RALYL: variants seen among roughly 807,000 people sequenced by gnomAD.
The protein encoded by RALYL is RNA-binding Raly-like protein.
A neutral mutation model predicts 35.1 loss-of-function variants in RALYL; 29 were observed. The observed-to-expected ratio is 0.83, with a 90% CI of 0.61 to 1.13. The LOEUF (loss-of-function observed/expected upper bound fraction) is 1.13, where lower values mean the gene tolerates loss of function less well. Ranked by LOEUF, RALYL falls within the 50% of genes most tolerant of loss-of-function variation. The pLI is 0.00. For synonymous variants in RALYL, 120 were observed against 127.6 expected (o/e 0.94, Z 0.40); for missense variants, 359 against 360.4 (o/e 1.00, Z 0.03).
chr8:84,669,998 C>A (rs542470772), intron 2 of RALYL, among the ~76,000 whole-genome samples: 1 of 152,206 alleles, frequency 6.6e-6, no homozygotes, highest in Non-Finnish European at 1.5e-5. Flanking sequence ...CTCAAAACAC[C>A]CCCAAGGGGA....
Position 84,428,106 on chromosome 8 carries a change from TCA to T in RALYL, c.-23-101157_-23-101156del, listed in dbSNP as rs869249552. ...CTCTCTCTCTCTCTCTCTCTCTCTCTCACACACACACACACACACACACACAC... is the reference window on the plus strand; with the variant it reads ...CTCTCTCTCTCTCTCTCTCTCTCTCTCACACACACACACACACACACACAC... On this transcript the variant is annotated intron_variant, in intron 1 of 8. Coordinates refer to ENST00000521268, the MANE Select transcript of RALYL (RefSeq NM_173848.7). Among the ~76,000 whole-genome samples the T allele has an allele frequency of 9.0e-3, 1,144 of 127,258 alleles. 3 individuals are homozygous for T. The highest frequency in any genetic ancestry group is 0.02 in the South Asian group (72 of 3,628). 83.5% of individuals were successfully genotyped at this position (127,258 alleles called of 152,430 possible). A position where few individuals can be genotyped will look rare whatever the true frequency, so the allele number is the denominator to read the frequency against.
intron 1 of RALYL, among the ~76,000 whole-genome samples, chr8:84,389,361 T>G (rs1222638043): frequency 2.0e-5 from 3 of 152,070 alleles, no homozygotes; most frequent in Non-Finnish European, 4.4e-5. Flanking sequence ...TTAAAGTAGT[T>G]TTTTCCAATT....
intron 1 of RALYL, among the ~76,000 whole-genome samples, chr8:84,521,974 A>G (rs187648771): frequency 1.9e-3 from 290 of 152,268 alleles, no homozygotes; most frequent in African/African-American, 6.6e-3. Context: ...ACAAAAATTA[A>G]TGCATTCCCA....
chr8:84,707,211 GCTTGATTGCCTTTTGATGCCAGTT>G (rs1407826419), intron 2 of RALYL, among the ~76,000 whole-genome samples: 1 of 152,132 alleles, frequency 6.6e-6, no homozygotes, highest in Non-Finnish European at 1.5e-5. Flanking sequence ...GATTCTGCAA[GCTTGATTGCCTTTTGATGCCAGTT>G]CTTTCTTGTG....
intron 8 of RALYL, among the ~76,000 whole-genome samples, chr8:84,918,601 TGA>T (rs1164685825): frequency 3.9e-5 from 6 of 152,112 alleles, no homozygotes; most frequent in Non-Finnish European, 7.4e-5. Context: ...GCTCCATAAG[TGA>T]CTATGTTTCT....
chr8:84,797,532 A>G (rs1038714784), intron 3 of RALYL, among the ~76,000 whole-genome samples: 1 of 152,168 alleles, frequency 6.6e-6, no homozygotes, highest in African/African-American at 2.4e-5. Context: ...GTGGGGACAG[A>G]TAGGAATCAG....
intron 1 of RALYL, among the ~76,000 whole-genome samples, chr8:84,193,811 A>G (rs1814555515): frequency 6.6e-6 from 1 of 152,194 alleles, no homozygotes; most frequent in African/African-American, 2.4e-5. Flanking sequence ...TTAAGGAAAC[A>G]GTTGAGGATT....
At chr8:84,711,040 C>T (rs117219808) in intron 2 of RALYL, among the ~76,000 whole-genome samples, 154 of 152,122 alleles carry the variant, frequency 1.0e-3, no homozygotes, top group Non-Finnish European at 2.0e-3. Context: ...ACTAAGGGGA[C>T]ATTTGATCAG....
At chr8:84,243,580 T>G (rs973213705) in intron 1 of RALYL, among the ~76,000 whole-genome samples, 1 of 149,884 alleles carries the variant, frequency 6.7e-6, no homozygotes, top group Non-Finnish European at 1.5e-5. Context: ...CTGGGAGGTA[T>G]GCATCTCTCT....
chr8:84,632,767 C>T (rs1044272338), intron 2 of RALYL, among the ~76,000 whole-genome samples: 4 of 151,826 alleles, frequency 2.6e-5, no homozygotes, highest in African/African-American at 9.7e-5. Flanking sequence ...TATCTCCAAA[C>T]AACATTATTT....
chr8:84,907,499 A>G (rs1846733272), intron 8 of RALYL, among the ~76,000 whole-genome samples: 1 of 152,144 alleles, frequency 6.6e-6, no homozygotes, highest in East Asian at 1.9e-4. Context: ...AACTTCGAGG[A>G]GTAGCTATTT....
intron 2 of RALYL, among the ~76,000 whole-genome samples, chr8:84,547,219 G>A (rs1383198002): frequency 6.6e-6 from 1 of 151,954 alleles, no homozygotes; most frequent in Non-Finnish European, 1.5e-5. Context: ...ATCTTTTTAA[G>A]TGGGTGTTAC....
intron 1 of RALYL, among the ~76,000 whole-genome samples, chr8:84,436,404 T>C (rs1248086018): frequency 1.3e-5 from 2 of 152,064 alleles, no homozygotes; most frequent in African/African-American, 4.8e-5. Context: ...ACTACATATA[T>C]AAGGCAGCCT....
At chr8:84,606,394 G>T (rs1216815642) in intron 2 of RALYL, among the ~76,000 whole-genome samples, 1 of 152,106 alleles carries the variant, frequency 6.6e-6, no homozygotes, top group Non-Finnish European at 1.5e-5. Context: ...CTTAATGTTA[G>T]TCTTTGGTTT....
intron 2 of RALYL, among the ~76,000 whole-genome samples, chr8:84,540,249 G>A (rs2059932636): frequency 6.6e-6 from 1 of 151,074 alleles, no homozygotes; most frequent in African/African-American, 2.4e-5. Context: ...CATGATGGTA[G>A]GTAGCTTTGT....
At chr8:84,393,713 C>G (rs1055901577) in intron 1 of RALYL, among the ~76,000 whole-genome samples, 2 of 152,056 alleles carry the variant, frequency 1.3e-5, no homozygotes, top group African/African-American at 4.8e-5. Context: ...GCTTTATAAT[C>G]AGACTTCTCT....
At chr8:84,782,507 T>C (rs16913298) in intron 3 of RALYL, among the ~76,000 whole-genome samples, 2,948 of 152,338 alleles carry the variant, frequency 0.019, 91 homozygotes, top group African/African-American at 0.065. Context: ...GACAGGCAAC[T>C]GATTCTTTCT....
intron 1 of RALYL, among the ~76,000 whole-genome samples, chr8:84,388,985 G>T (rs1385372670): frequency 2.0e-5 from 3 of 151,910 alleles, no homozygotes; most frequent in East Asian, 1.9e-4. Flanking sequence ...GGTCTAACAT[G>T]TAAGTCTTTA....
At chr8:84,511,672 C>T (rs1018261338) in intron 1 of RALYL, among the ~76,000 whole-genome samples, 13 of 152,114 alleles carry the variant, frequency 8.5e-5, no homozygotes. Flanking sequence ...TGCTTGTATC[C>T]AGTGAACTAC....
Sources: gnomAD v4.1 joint callset for allele counts (sites outside exome capture counted in the v4.1 genomes callset) on GRCh38, gnomAD v4.1.1 for gene constraint, MANE v1.5 for transcripts, NCBI Gene and HGNC (gene_info 2026-07-23, HGNC 2026-07-21) for gene names.